The following MMP11 variants were observed in gnomAD, a reference collection of about 807,000 sequenced individuals.
MMP11 encodes the protein stromelysin-3.
In MMP11, 26 loss-of-function variants were observed where a neutral mutation model predicts 49.5. That is an observed-to-expected ratio of 0.52 (90% CI 0.38 to 0.73). The LOEUF (loss-of-function observed/expected upper bound fraction) is 0.73. MMP11 is among the 30% of genes least tolerant of loss of function. MMP11 has a pLI of 0.00. For synonymous variants in MMP11, 265 were observed against 282.3 expected, an observed-to-expected ratio of 0.94 and a Z score of 0.62; for missense variants, 624 against 671.2, an observed-to-expected ratio of 0.93 and a Z score of 0.78.
At position 23,779,338 on chromosome 22, in the gene MMP11, A is replaced by G; in HGVS notation, c.260A>G (p.Asp87Gly). The change falls in exon 2 of 8, where the codon GAT becomes GGT. Residue 87 changes from aspartate to glycine, a missense_variant. Physicochemically the swap from Asp to Gly is moderately conservative, Grantham distance 94. Coordinates refer to ENST00000215743, the MANE Select transcript of MMP11 (RefSeq NM_005940.5). The part of the protein sequence containing the change: ...PPRCGVPDPS[D>G]GLSARNRQKR... The stretch of plus-strand genomic sequence containing the variant: ...CGCTGTGGCGTGCCCGACCCATCTG[A>G]TGGGCTGAGTGCCCGCAACCGACAG... 2.5e-6 allele frequency: 4 copies of G among 1,613,038 alleles called. No homozygotes were observed. The highest frequency in any genetic ancestry group is 3.4e-6 in the Non-Finnish European group (4 of 1,179,930).
intron 2 of MMP11, chr22:23,779,710 A>C (rs1238781433): frequency 2.0e-6 from 1 of 490,634 alleles, no homozygotes; most frequent in African/African-American, 1.9e-5. Context: ...CAGCCTTTAC[A>C]AGAGACCTGT....
At chr22:23,777,128 A>T in intron 1 of MMP11, among the ~76,000 whole-genome samples, 1 of 141,948 alleles carries the variant, frequency 7.0e-6, no homozygotes, top group African/African-American at 2.6e-5. Flanking sequence ...AGTACTTATT[A>T]ACAATAAGCC....
chr22:23,780,899 C>T lies in MMP11; in HGVS notation c.657C>T (p.His219=), dbSNP rs545043570. ...AGGTGGCAGCCCATGAATTTGGCCACGTGCTGGGGCTGCAGCACACAACAG... is the reference window on the plus strand; with the variant it reads ...AGGTGGCAGCCCATGAATTTGGCCATGTGCTGGGGCTGCAGCACACAACAG... ...LLQVAAHEFG[H]VLGLQHTTAA... is the part of the protein sequence containing the mutation. Residue 219 remains histidine (H), a synonymous_variant, in exon 5 of 8, where the codon CAC becomes CAT. Coordinates refer to ENST00000215743, the MANE Select transcript of MMP11 (RefSeq NM_005940.5). This position sits in a 1 kb window ranked among gnomAD's most constrained non-coding sequence, Gnocchi z 4.6. 9.8e-5 allele frequency: 158 copies of T among 1,613,914 alleles called. 2 individuals are homozygous for T. The South Asian group carries it at 1.4e-3, about 14-fold the overall frequency.
Position 23,781,021 on chromosome 22 carries a change from C to G in MMP11, c.779C>G (p.Pro260Arg), listed in dbSNP as rs564008211. Residue 260 changes from proline (P) to arginine (R), a missense_variant, in exon 5 of 8, where the codon CCC becomes CGC. Transcript: ENST00000215743. ...GGCGTTCAACACCTATATGGCCAGC[C>G]CTGGCCCACTGTCACCTCCAGGACC... ...CRGVQHLYGQ[P>R]WPTVTSRTPA... 4 of 1,612,596 alleles carry G rather than the reference C, an allele frequency of 2.5e-6. No homozygotes were observed. Among genetic ancestry groups the G allele is most frequent in the South Asian group, 1.1e-5 (1 of 91,094 alleles).
intron 7 of MMP11, 38 bp downstream of exon 7, chr22:23,782,521 C>T (rs1420735425): frequency 6.4e-6 from 10 of 1,569,094 alleles, no homozygotes; most frequent in Non-Finnish European, 8.6e-6. Flanking sequence ...GAGGTGGGCA[C>T]AGCAGCCGCT....
chr22:23,778,634 A>C (rs1927498156), intron 1 of MMP11, among the ~76,000 whole-genome samples: 1 of 152,158 alleles, frequency 6.6e-6, no homozygotes, highest in Admixed American at 6.5e-5. Flanking sequence ...GGTTACACTG[A>C]CTGAGGCCAC....
chr22:23,773,398 C>T (rs926651697), intron 1 of MMP11, among the ~76,000 whole-genome samples: 2 of 152,160 alleles, frequency 1.3e-5, no homozygotes, highest in Non-Finnish European at 2.9e-5. Flanking sequence ...AGTACACCTC[C>T]AGGTGTGCGG....
Position 23,780,485 on chromosome 22 carries a change from C to A in MMP11, c.465C>A (p.Ile155=), listed in dbSNP as rs200864605. 5.9e-5 allele frequency: 95 copies of A among 1,613,980 alleles called. No individual in the cohort carries two copies. Among genetic ancestry groups the A allele is most frequent in the Non-Finnish European group, 7.9e-5 (93 of 1,180,024 alleles). ...FTEVHEGRAD[I]MIDFARYWHG... ...AGGTGCACGAGGGCCGTGCTGACAT[C>A]ATGATCGACTTCGCCAGGTGAATGG... Residue 155 remains isoleucine (I), a synonymous_variant, in exon 3 of 8, where the codon ATC becomes ATA. Coordinates refer to ENST00000215743, the MANE Select transcript of MMP11 (RefSeq NM_005940.5). The surrounding 1 kb of genome is among the most constrained non-coding windows in gnomAD (Gnocchi z 4.6).
In MMP11 at chr22:23,780,780, A is replaced by G. The variant is rs1927591226; in HGVS notation, c.616+65A>G. On this transcript the variant is annotated intron_variant, in intron 4 of 7. Transcript: ENST00000215743. This position sits in a 1 kb window ranked among gnomAD's most constrained non-coding sequence, Gnocchi z 4.6. Reference sequence around the variant, plus strand: ...AGATCATAAAGAATGGGGACTCGCCAAGGTCACTGAGCTGGGGTCTGGAGC... The same window carrying G: ...AGATCATAAAGAATGGGGACTCGCCGAGGTCACTGAGCTGGGGTCTGGAGC... 1 of 1,563,768 alleles carries G rather than the reference A, an allele frequency of 6.4e-7. No homozygotes were observed. The highest frequency in any genetic ancestry group is 1.4e-5 in the African/African-American group (1 of 73,810).
At chr22:23,778,223 T>C (rs1187114158) in intron 1 of MMP11, among the ~76,000 whole-genome samples, 1 of 152,266 alleles carries the variant, frequency 6.6e-6, no homozygotes, top group Non-Finnish European at 1.5e-5. Flanking sequence ...AGTCCTGGCC[T>C]GGCCTTGCCA....
chr22:23,775,554 A>G (rs573621903), intron 1 of MMP11, among the ~76,000 whole-genome samples: 1 of 152,368 alleles, frequency 6.6e-6, no homozygotes, highest in Non-Finnish European at 1.5e-5. Context: ...TAAAAAAATA[A>G]TGGGCTCTAA....
Position 23,780,244 on chromosome 22 carries a change from T to C in MMP11, c.339-115T>C. 7.6e-7 allele frequency: 1 copy of C among 1,316,228 alleles called. No individual in the cohort carries two copies. Among genetic ancestry groups the C allele is most frequent in the South Asian group, 1.3e-5 (1 of 75,864 alleles). 81.5% of individuals were successfully genotyped at this position (1,316,228 alleles called of 1,614,324 possible). A position where few individuals can be genotyped will look rare whatever the true frequency, so the allele number is the denominator to read the frequency against. ...CTGAAGCTGAGGCCCAGAGTACACC[T>C]GGCCTGTGTCCTGAGTGTTCACACA... On this transcript the variant is annotated intron_variant, in intron 2 of 7. Transcript: ENST00000215743. This position sits in a 1 kb window ranked among gnomAD's most constrained non-coding sequence, Gnocchi z 4.6.
At chr22:23,781,891 C>T (rs1424961211) in intron 6 of MMP11, 2 of 639,758 alleles carry the variant, frequency 3.1e-6, no homozygotes, top group Non-Finnish European at 6.0e-6. Context: ...TGCGTGGGTT[C>T]CAGGGCAGTC....
intron 1 of MMP11, among the ~76,000 whole-genome samples, chr22:23,775,645 G>T (rs1481189933): frequency 1.3e-5 from 2 of 152,238 alleles, no homozygotes; most frequent in Non-Finnish European, 2.9e-5. Flanking sequence ...ACAAGACAGG[G>T]ACAGGGAGAA....
At chr22:23,773,670 A>G (rs781584836) in intron 1 of MMP11, among the ~76,000 whole-genome samples, 22 of 152,282 alleles carry the variant, frequency 1.4e-4, no homozygotes, top group Admixed American at 2.0e-4. Flanking sequence ...AGGACAGCAG[A>G]GTGAGGAGAG....
At chr22:23,781,503 C>T (rs1360334751) in intron 6 of MMP11, 94 bp downstream of exon 6, 4 of 1,221,472 alleles carry the variant, frequency 3.3e-6, no homozygotes, top group East Asian at 2.6e-5. Context: ...CTTAGGGACA[C>T]AGTGGATAGG....
At chr22:23,783,379 C>T (rs1283797990) in intron 7 of MMP11, 32 bp from the exon 8 acceptor site, 1 of 1,611,070 alleles carries the variant, frequency 6.2e-7, no homozygotes, top group Admixed American at 1.7e-5. Context: ...CCAGTGTCCG[C>T]TCGCCCAGGC....
chr22:23,780,744 G>A lies in MMP11; in HGVS notation c.616+29G>A. On this transcript the variant is annotated intron_variant, in intron 4 of 7. Transcript: ENST00000215743. This position sits in a 1 kb window ranked among gnomAD's most constrained non-coding sequence, Gnocchi z 4.6. Reference sequence around the variant, plus strand: ...TGGGCTGGGGACCCATTTTCCAGATGGGGCAACCGAAGATCATAAAGAATG... The same window carrying A: ...TGGGCTGGGGACCCATTTTCCAGATAGGGCAACCGAAGATCATAAAGAATG... 1 of 1,546,636 alleles carries A rather than the reference G, an allele frequency of 6.5e-7. No homozygotes were observed.
Position 23,783,698 on chromosome 22 carries a change from A to T in MMP11, c.*154A>T. 1.9e-6 allele frequency: 2 copies of T among 1,069,308 alleles called. No homozygotes were observed. The highest frequency in any genetic ancestry group is 1.4e-6 in the Non-Finnish European group (1 of 736,452). 66.2% of individuals were successfully genotyped at this position (1,069,308 alleles called of 1,614,324 possible). A position where few individuals can be genotyped will look rare whatever the true frequency, so the allele number is the denominator to read the frequency against. ...GGGGTGGGGTACAACCACCATGACAACTGCCGGGAGGGCCACGCAGGTCGT... is the reference window on the plus strand; with the variant it reads ...GGGGTGGGGTACAACCACCATGACATCTGCCGGGAGGGCCACGCAGGTCGT... On this transcript the variant is annotated 3_prime_UTR_variant, in exon 8 of 8. Transcript: ENST00000215743.
Sources: allele counts gnomAD v4.1 joint callset (sites outside exome capture counted in the v4.1 genomes callset), GRCh38; gene constraint gnomAD v4.1.1; non-coding constraint Gnocchi (gnomAD v3.1); transcripts MANE v1.5; gene names NCBI Gene and HGNC (gene_info 2026-07-23, HGNC 2026-07-21).